Variants in LRRC9 observed in about 807,000 individuals in gnomAD.
LRRC9 encodes the protein leucine-rich repeat-containing protein 9.
LRRC9 carries 122 observed loss-of-function variants against 63.2 expected under a neutral mutation model. The observed-to-expected ratio is 1.93, with a 90% confidence interval of 1.67 to 2.24. The LOEUF (loss-of-function observed/expected upper bound fraction) is 2.24, where lower values mean the gene tolerates loss of function less well. LRRC9 is among the 30% of genes most tolerant of loss of function. LRRC9 has a pLI of 0.00. For synonymous variants in LRRC9, 366 were observed against 213.1 expected (o/e 1.72, Z -6.25); for missense variants, 1,071 against 627.7 (o/e 1.71, Z -7.55).
intron 26 of LRRC9, among the ~76,000 whole-genome samples, chr14:60,020,851 G>A (rs1443165571): frequency 6.6e-6 from 1 of 151,870 alleles, no homozygotes; most frequent in Non-Finnish European, 1.5e-5. Context: ...GTATGGATAT[G>A]ACTGTATGGA....
chr14:59,977,914 G>T (rs907048552), intron 14 of LRRC9, 103 bp from the exon 15 acceptor site: 2 of 530,204 alleles, frequency 3.8e-6, no homozygotes, highest in East Asian at 6.1e-5. Flanking sequence ...TATAACTGTT[G>T]CAACTTATTG....
At chr14:59,996,138 T>C (rs761773055) in intron 17 of LRRC9, among the ~76,000 whole-genome samples, 4 of 152,060 alleles carry the variant, frequency 2.6e-5, no homozygotes, top group Admixed American at 2.6e-4. Flanking sequence ...ATGATGAAAA[T>C]TGGGAACAGA....
intron 1 of LRRC9, among the ~76,000 whole-genome samples, chr14:59,921,870 G>C (rs1420078834): frequency 6.6e-6 from 1 of 152,028 alleles, no homozygotes; most frequent in Non-Finnish European, 1.5e-5. Context: ...TGGATCACAA[G>C]GTCAGGAGTT....
At chr14:60,016,752 A>G (rs1273008818) in exon 24 of LRRC9, 1 of 699,650 alleles carries the variant, frequency 1.4e-6, no homozygotes, top group South Asian at 1.5e-5. Context: ...CCAACTTCAA[A>G]CAAATGCAAG....
Position 59,966,456 on chromosome 14 carries a change from T to C in LRRC9, c.1212-133T>C, listed in dbSNP as rs1294266326. ...AATGAATAAATAAACGGAGCCACTA[T>C]ATGATTACTGTATCTTTAGCAAAAG... On this transcript the variant is annotated intron_variant, in intron 10 of 31. Transcript: ENST00000445360. This position sits in a 1 kb window ranked among gnomAD's most constrained non-coding sequence, Gnocchi z 4.0. 4.5e-6 allele frequency: 2 copies of C among 443,824 alleles called. No homozygotes were observed. Among genetic ancestry groups the C allele is most frequent in the Admixed American group, 3.8e-5 (1 of 26,318 alleles). The allele number at this position is 443,824 out of a possible 1,614,324, so 27.5% of individuals were successfully genotyped here.
At chr14:60,016,444 A>T (rs1398258875) in intron 23 of LRRC9, among the ~76,000 whole-genome samples, 1 of 152,008 alleles carries the variant, frequency 6.6e-6, no homozygotes, top group African/African-American at 2.4e-5. Context: ...GGACTCAAGC[A>T]ATCCTCCCAC....
Position 59,980,382 on chromosome 14 carries a change from G to A in LRRC9, c.1879-1466G>A, listed in dbSNP as rs565489051. 1.2e-3 allele frequency among the ~76,000 whole-genome samples: 179 copies of A among 152,014 alleles called. 2 individuals are homozygous for A. The highest frequency in any genetic ancestry group is 1.9e-3 in the Non-Finnish European group (129 of 67,944). On this transcript the variant is annotated intron_variant, in intron 15 of 31. Coordinates refer to ENST00000445360, the Ensembl canonical transcript of LRRC9. The stretch of plus-strand genomic sequence containing the variant: ...TTGGATCACTATCATATTTGTTTTG[G>A]TTATTACAAACTTCATATATCTTGA...
At position 60,038,463 on chromosome 14, in the gene LRRC9, C is replaced by T. The variant is rs186828828; in HGVS notation, c.3990+6400C>T. On this transcript the variant is annotated intron_variant, in intron 29 of 31. Coordinates refer to ENST00000445360, the Ensembl canonical transcript of LRRC9. The stretch of plus-strand genomic sequence containing the variant: ...TCTTTTAGCAGTGGTTTGTAGTTCT[C>T]CTTGAAGAGGGCCTTCACATCCCTT... Among the ~76,000 whole-genome samples, 194 of 152,194 alleles carry T rather than the reference C, an allele frequency of 1.3e-3. 2 individuals carry two copies. Among genetic ancestry groups the T allele is most frequent in the African/African-American group, 4.6e-3 (189 of 41,532 alleles).
rs901141671 is a variant in LRRC9 at position 59,944,576 on chromosome 14, T to C, written c.727-13T>C. ...TTTAGCTAATTTTTTGTTGTTTTCTTTCTTACTTTTAGACCACAGCAATGA... is the reference window on the plus strand; with the variant it reads ...TTTAGCTAATTTTTTGTTGTTTTCTCTCTTACTTTTAGACCACAGCAATGA... On this transcript the variant is annotated splice_polypyrimidine_tract_variant and intron_variant, in intron 7 of 31. Transcript: ENST00000445360. 1 of 548,626 alleles carries C rather than the reference T, an allele frequency of 1.8e-6. No homozygotes were observed. The highest frequency in any genetic ancestry group is 3.2e-6 in the Non-Finnish European group (1 of 313,050). The allele number at this position is 548,626 out of a possible 1,614,324, so 34.0% of individuals were successfully genotyped here.
chr14:60,012,818 C>A (rs540311198), intron 23 of LRRC9, among the ~76,000 whole-genome samples: 1 of 152,162 alleles, frequency 6.6e-6, no homozygotes, highest in Non-Finnish European at 1.5e-5. Flanking sequence ...AAACATTTGT[C>A]AGCCCCTGAT....
At chr14:59,924,655 T>C (rs1277719397) in intron 1 of LRRC9, among the ~76,000 whole-genome samples, 2 of 152,174 alleles carry the variant, frequency 1.3e-5, no homozygotes, top group Non-Finnish European at 2.9e-5. Context: ...AGAGTGATCT[T>C]TTTCAATACT....
rs1193212630 is a variant in LRRC9 at position 60,053,381 on chromosome 14, GCTCACA to G, written c.4131+178_4131+183del. ...TGGATTTGGTGAATAGAGCATGCGT[GCTCACA>G]CACACACACACACACACACACACAC... On this transcript the variant is annotated intron_variant, in intron 30 of 31. Transcript: ENST00000445360. This position sits in a 1 kb window ranked among gnomAD's most constrained non-coding sequence, Gnocchi z 4.8. Among the ~76,000 whole-genome samples the G allele has an allele frequency of 2.8e-3, 202 of 73,278 alleles. 1 individual carries two copies. The East Asian group carries it at 0.036, about 13-fold the overall frequency. 48.1% of individuals were successfully genotyped at this position (73,278 alleles called of 152,430 possible). A position where few individuals can be genotyped will look rare whatever the true frequency, so the allele number is the denominator to read the frequency against.
chr14:60,001,483 C>G (rs1889358236), intron 19 of LRRC9, among the ~76,000 whole-genome samples: 1 of 152,072 alleles, frequency 6.6e-6, no homozygotes, highest in Non-Finnish European at 1.5e-5. Flanking sequence ...AGAATACATA[C>G]ATATTCAATT....
rs562231127 is a variant in LRRC9, at chr14:60,024,821, C to G, written c.3703+1951C>G. On this transcript the variant is annotated intron_variant, in intron 27 of 31. Transcript: ENST00000445360. ...TAGGTAATTTTTCAACCCTCACCCC[C>G]CTCCCATTCTCCCCCTTTTTGCGGT... is the stretch of plus-strand genomic sequence containing the variant. 2.6e-5 allele frequency among the ~76,000 whole-genome samples: 4 copies of G among 151,934 alleles called. No individual in the cohort carries two copies. In the South Asian group the frequency reaches 6.2e-4, roughly 24 times the overall value.
intron 29 of LRRC9, among the ~76,000 whole-genome samples, chr14:60,041,677 T>C (rs112441666): frequency 0.029 from 4,455 of 152,294 alleles, 221 homozygotes; most frequent in African/African-American, 0.1. Flanking sequence ...TTATTTGTGA[T>C]GTGTTCGAAC....
intron 26 of LRRC9, among the ~76,000 whole-genome samples, chr14:60,021,827 T>C (rs1891137730): frequency 6.6e-6 from 1 of 151,944 alleles, no homozygotes; most frequent in African/African-American, 2.4e-5. Flanking sequence ...TACTCAGTTC[T>C]GTTCCATTGA....
chr14:60,034,968 C>A (rs1892305877), intron 29 of LRRC9, among the ~76,000 whole-genome samples: 1 of 152,126 alleles, frequency 6.6e-6, no homozygotes, highest in Admixed American at 6.6e-5. Flanking sequence ...ACAGTGTACA[C>A]AGGTTCCCCT....
At chr14:59,945,933 C>T (rs1258205840) in intron 8 of LRRC9, among the ~76,000 whole-genome samples, 2 of 151,692 alleles carry the variant, frequency 1.3e-5, no homozygotes, top group Non-Finnish European at 2.9e-5. Context: ...TGACAGTACT[C>T]AGGCTGGTGA....
chr14:59,939,090 T>TATACGTATATAC lies in LRRC9; in HGVS notation c.726+519_726+520insTACGTATATACA, dbSNP rs1459904961. The stretch of plus-strand genomic sequence containing the variant: ...GTATATACACATATATACACATATA[T>TATACGTATATAC]ACATATATATACACACATATATATA... On this transcript the variant is annotated intron_variant, in intron 7 of 31. Coordinates refer to ENST00000445360, the Ensembl canonical transcript of LRRC9. 2.7e-3 allele frequency among the ~76,000 whole-genome samples: 402 copies of TATACGTATATAC among 146,852 alleles called. 1 individual carries two copies. The highest frequency in any genetic ancestry group is 9.3e-3 in the African/African-American group (369 of 39,834).
Sources: allele counts gnomAD v4.1 joint callset (sites outside exome capture counted in the v4.1 genomes callset), GRCh38; gene constraint gnomAD v4.1.1; non-coding constraint Gnocchi (gnomAD v3.1); transcripts MANE v1.5; gene names NCBI Gene and HGNC (gene_info 2026-07-23, HGNC 2026-07-21).